The following CACNA1H variants were observed in gnomAD, a reference collection of about 807,000 sequenced individuals.
CACNA1H encodes voltage-dependent T-type calcium channel subunit alpha-1H.
CACNA1H carries 149 observed loss-of-function variants against 192.5 expected under a neutral mutation model. The ratio of observed to expected loss-of-function variants is 0.77; its 90% CI spans 0.68 to 0.89. The LOEUF is 0.89. Among genes scored for constraint, CACNA1H ranks in the 40% least tolerant of loss-of-function variants. CACNA1H has a pLI of 0.00. For synonymous variants in CACNA1H, 2,202 were observed against 1,475.2 expected (o/e 1.49, Z -11.29); for missense variants, 4,257 against 3,423.5 (o/e 1.24, Z -6.08).
intron 2 of CACNA1H, among the ~76,000 whole-genome samples, chr16:1,191,112 G>C (rs1334790151): frequency 4.4e-5 from 5 of 114,528 alleles, no homozygotes; most frequent in Admixed American, 1.7e-4. Context: ...TGGCCTGGCT[G>C]TGTGGCCTCA....
At position 1,198,681 on chromosome 16, in the gene CACNA1H, GCTT is replaced by G. The variant is rs1165241340; in HGVS notation, c.715_717del (p.Phe239del). 5 of 1,613,474 alleles carry G rather than the reference GCTT, an allele frequency of 3.1e-6. No individual in the cohort carries two copies. The South Asian group carries it at 3.3e-5, about 11-fold the overall frequency. ...ATGCTCGGGAACGTCCTTCTGCTGT[GCTT>G]CTTCGTCTTCTTCATTTTCGGCATC... On this transcript the variant is annotated inframe_deletion, in exon 6 of 35. Coordinates refer to ENST00000348261, the MANE Select transcript of CACNA1H (RefSeq NM_021098.3).
At position 1,205,166 on chromosome 16, in the gene CACNA1H, T is replaced by C. The variant is rs1968532827; in HGVS notation, c.2504T>C (p.Met835Thr). ...ATCAGCAACATCGTGTTCACCAGCA[T>C]GTTTGCCCTGGAGATGCTGCTGAAG... ...LEISNIVFTSMFALEMLLKLL... is the reference protein window; with the variant it reads ...LEISNIVFTSTFALEMLLKLL... Residue 835 changes from methionine to threonine, a missense_variant, in exon 11 of 35, where the codon ATG becomes ACG. Physicochemically the swap from Met to Thr is moderately conservative, Grantham distance 81 (BLOSUM62 -1). Transcript: ENST00000348261. 3 of 1,612,948 alleles carry C rather than the reference T, an allele frequency of 1.9e-6. No homozygotes were observed. Among genetic ancestry groups the C allele is most frequent in the East Asian group, 2.2e-5 (1 of 44,896 alleles).
chr16:1,165,993 A>C (rs2151678296), intron 2 of CACNA1H, among the ~76,000 whole-genome samples: 1 of 152,106 alleles, frequency 6.6e-6, no homozygotes, highest in Non-Finnish European at 1.5e-5. Context: ...TTCTGGGCTG[A>C]GGTCCCTTCT....
rs980316519 is a variant in CACNA1H, at chr16:1,167,785, C to T, written c.299+13749C>T. On this transcript the variant is annotated intron_variant, in intron 2 of 34. Transcript: ENST00000348261. The surrounding 1 kb of genome is among the most constrained non-coding windows in gnomAD (Gnocchi z 4.2). ...ACACCCAGACACGGGAAACGGGACA[C>T]CTGGAGCTGTGGCGCTGGTGTGTGC... 2.0e-5 allele frequency among the ~76,000 whole-genome samples: 3 copies of T among 152,200 alleles called. No homozygotes were observed. The highest frequency in any genetic ancestry group is 6.5e-5 in the Admixed American group (1 of 15,290).
chr16:1,201,055 G>C (rs1967820490), intron 8 of CACNA1H, among the ~76,000 whole-genome samples: 1 of 152,120 alleles, frequency 6.6e-6, no homozygotes, highest in Non-Finnish European at 1.5e-5. Flanking sequence ...GGAACACCCT[G>C]GGGAGTGCAT....
At chr16:1,195,290 T>C (rs1416950139) in intron 3 of CACNA1H, 142 bp from the exon 4 acceptor site, 6 of 976,262 alleles carry the variant, frequency 6.1e-6, no homozygotes, top group Non-Finnish European at 8.4e-6. Flanking sequence ...GAGGCAGGGC[T>C]CAGTTCCTGG....
Position 1,200,307 on chromosome 16 carries a change from G to T in CACNA1H, c.855G>T (p.Glu285Asp). The stretch of plus-strand genomic sequence containing the variant: ...CGTACTACCAGACGGAGGAGGGCGA[G>T]GAGAACCCGTTCATCTGCTCCTCAC... ...LRPYYQTEEG[E>D]ENPFICSSRR... The change falls in exon 7 of 35, where the codon GAG becomes GAT. Residue 285 changes from glutamate (E) to aspartate (D), a missense_variant. Glu to Asp is a conservative substitution (Grantham distance 45, BLOSUM62 2). Coordinates refer to ENST00000348261, the MANE Select transcript of CACNA1H (RefSeq NM_021098.3). The T allele has an allele frequency of 6.2e-7, 1 of 1,606,644 alleles. No individual in the cohort carries two copies. Among genetic ancestry groups the T allele is most frequent in the South Asian group, 1.1e-5 (1 of 90,030 alleles).
rs1254794242 is a variant in CACNA1H at position 1,167,161 on chromosome 16, C to T, written c.299+13125C>T. On this transcript the variant is annotated intron_variant, in intron 2 of 34. Transcript: ENST00000348261. The surrounding 1 kb of genome is among the most constrained non-coding windows in gnomAD (Gnocchi z 4.2). The stretch of plus-strand genomic sequence containing the variant: ...TCCTTTCCTCGCCGACCCTTTGGGG[C>T]GTCTCCCATCGGGAAATGGCAGCCC... 1.3e-5 allele frequency among the ~76,000 whole-genome samples: 2 copies of T among 152,168 alleles called. No individual in the cohort carries two copies. The highest frequency in any genetic ancestry group is 2.9e-5 in the Non-Finnish European group (2 of 68,028).
chr16:1,221,595 C>T lies in CACNA1H; in HGVS notation c.*601C>T, dbSNP rs751467928. On this transcript the variant is annotated 3_prime_UTR_variant, in exon 35 of 35. Transcript: ENST00000348261. ...TGGAGTAACGCGCCCGGCCCCGATG[C>T]GAATCAGGCCTCCCCTACATCTGGG... 3 of 626,376 alleles carry T rather than the reference C, an allele frequency of 4.8e-6. No individual in the cohort carries two copies. The highest frequency in any genetic ancestry group is 5.4e-6 in the Non-Finnish European group (2 of 373,048). The allele number at this position is 626,376 out of a possible 1,614,324, so 38.8% of individuals were successfully genotyped here. A position where few individuals can be genotyped will look rare whatever the true frequency, so the allele number is the denominator to read the frequency against.
At chr16:1,177,840 G>A (rs1003461616) in intron 2 of CACNA1H, among the ~76,000 whole-genome samples, 5 of 151,856 alleles carry the variant, frequency 3.3e-5, no homozygotes, top group Admixed American at 1.3e-4. Context: ...GGGCTCCGCC[G>A]CTCCTGACCT....
At chr16:1,154,676 G>A (rs1301069257) in intron 2 of CACNA1H, among the ~76,000 whole-genome samples, 2 of 152,170 alleles carry the variant, frequency 1.3e-5, no homozygotes, top group African/African-American at 4.8e-5. Context: ...GGAGGCAATT[G>A]GCACTGCCAA....
rs1298216719 is a variant in CACNA1H at position 1,180,449 on chromosome 16, G to A, written c.300-14523G>A. 6.6e-6 allele frequency among the ~76,000 whole-genome samples: 1 copy of A among 152,178 alleles called. No individual in the cohort carries two copies. The highest frequency in any genetic ancestry group is 2.4e-5 in the African/African-American group (1 of 41,442). On this transcript the variant is annotated intron_variant, in intron 2 of 34. Coordinates refer to ENST00000348261, the MANE Select transcript of CACNA1H (RefSeq NM_021098.3). The surrounding 1 kb of genome is among the most constrained non-coding windows in gnomAD (Gnocchi z 4.4). The stretch of plus-strand genomic sequence containing the variant: ...CGAGGTCTGAAGGGAAATCCCCAGT[G>A]GTGGGACTGGAGGTGCCGTGGAGGG...
At chr16:1,205,757 C>G (rs553828420) in intron 11 of CACNA1H, among the ~76,000 whole-genome samples, 2 of 152,206 alleles carry the variant, frequency 1.3e-5, no homozygotes, top group Admixed American at 6.5e-5. Context: ...GTCTCCCATC[C>G]TGGGGCGGGG....
chr16:1,192,317 G>T (rs926404553), intron 2 of CACNA1H, among the ~76,000 whole-genome samples: 4 of 152,210 alleles, frequency 2.6e-5, no homozygotes, highest in Non-Finnish European at 5.9e-5. Context: ...TCTTTGAGGA[G>T]TTGCTAGGCA....
At chr16:1,170,191 G>A (rs1964221327) in intron 2 of CACNA1H, among the ~76,000 whole-genome samples, 1 of 152,134 alleles carries the variant, frequency 6.6e-6, no homozygotes, top group Non-Finnish European at 1.5e-5. Context: ...CCACCCGGGT[G>A]TGTCCCAACT....
rs542245543 is a variant in CACNA1H at position 1,211,517 on chromosome 16, G to A, written c.4387G>A (p.Asp1463Asn). 1.0e-4 allele frequency: 163 copies of A among 1,612,448 alleles called. 1 individual carries two copies. In the South Asian group the frequency reaches 1.3e-3, roughly 13 times the overall value. ...KGKFYYCEGP[D>N]TRNISTKAQC... is the part of the protein sequence containing the mutation. Reference sequence around the variant, plus strand: ...GAAGTTCTACTACTGCGAGGGCCCCGACACCAGGAACATCTCCACCAAGGC... The same window carrying A: ...GAAGTTCTACTACTGCGAGGGCCCCAACACCAGGAACATCTCCACCAAGGC... The change falls in exon 23 of 35, where the codon GAC becomes AAC. Residue 1463 changes from aspartate to asparagine, a missense_variant. Coordinates refer to ENST00000348261, the MANE Select transcript of CACNA1H (RefSeq NM_021098.3).
At chr16:1,212,202 A>G (rs1377098794) in intron 25 of CACNA1H, 64 bp downstream of exon 25, 1 of 1,525,722 alleles carries the variant, frequency 6.6e-7, no homozygotes, top group Non-Finnish European at 8.8e-7. Context: ...CGGGCCCTCC[A>G]GCCCCTCCAC....
In CACNA1H at chr16:1,180,770, C is replaced by G. The variant is rs1002209547; in HGVS notation, c.300-14202C>G. ...GCCGAATAGGGGCCTGTGGCTCCCA[C>G]AGGGAGGCCCCTTAGGTGAAGAGGA... is the stretch of plus-strand genomic sequence containing the variant. On this transcript the variant is annotated intron_variant, in intron 2 of 34. Coordinates refer to ENST00000348261, the MANE Select transcript of CACNA1H (RefSeq NM_021098.3). This position sits in a 1 kb window ranked among gnomAD's most constrained non-coding sequence, Gnocchi z 4.4. Among the ~76,000 whole-genome samples, 2 of 152,126 alleles carry G rather than the reference C, an allele frequency of 1.3e-5. No homozygotes were observed. Among genetic ancestry groups the G allele is most frequent in the African/African-American group, 4.8e-5 (2 of 41,430 alleles).
Position 1,209,132 on chromosome 16 carries a change from A to T in CACNA1H, c.3464A>T (p.Lys1155Met). 2 of 1,553,484 alleles carry T rather than the reference A, an allele frequency of 1.3e-6. No individual in the cohort carries two copies. The highest frequency in any genetic ancestry group is 1.7e-6 in the Non-Finnish European group (2 of 1,149,832). ...WSSLGRAPSL[K>M]RRGQCGERES... The stretch of plus-strand genomic sequence containing the variant: ...AGCCTGGGCCGTGCCCCCAGCCTCA[A>T]GCGCCGCGGCCAGTGTGGGGAACGT... The change falls in exon 17 of 35, where the codon AAG becomes ATG. Residue 1155 changes from lysine (K) to methionine (M), a missense_variant. By Grantham distance (95) the Lys-to-Met change is moderately conservative. Transcript: ENST00000348261.
Sources: allele counts gnomAD v4.1 joint callset (sites outside exome capture counted in the v4.1 genomes callset), GRCh38; gene constraint gnomAD v4.1.1; non-coding constraint Gnocchi (gnomAD v3.1); transcripts MANE v1.5; gene names NCBI Gene and HGNC (gene_info 2026-07-23, HGNC 2026-07-21).